CAPN12: variants seen among roughly 807,000 people sequenced by gnomAD.
CAPN12 encodes calpain 12.
Under a neutral mutation model 95.0 loss-of-function variants are expected in CAPN12, and 107 were observed. That is an observed-to-expected ratio of 1.13 (90% CI 0.96 to 1.32). The LOEUF is 1.32. Among genes scored for constraint, CAPN12 ranks in the 40% most tolerant of loss-of-function variants. CAPN12 has a pLI of 0.00. For synonymous variants in CAPN12, 505 were observed against 415.5 expected (o/e 1.22, Z -2.62); for missense variants, 1,136 against 997.8 (o/e 1.14, Z -1.87).
chr19:38,735,164 G>A (rs910817970), intron 14 of CAPN12: 6 of 607,988 alleles, frequency 9.9e-6, no homozygotes, highest in African/African-American at 5.6e-5. Context: ...GAGGGAGAGG[G>A]TGGTCCTGGG....
intron 18 of CAPN12, among the ~76,000 whole-genome samples, chr19:38,732,817 C>T (rs1362572226): frequency 2.0e-5 from 3 of 152,162 alleles, no homozygotes; most frequent in African/African-American, 7.2e-5. Flanking sequence ...CTGGGAACTC[C>T]AAGTTCTGAC....
At chr19:38,733,569 TG>T in intron 18 of CAPN12, 133 bp downstream of exon 18, 1 of 761,146 alleles carries the variant, frequency 1.3e-6, no homozygotes, top group Non-Finnish European at 2.2e-6. Flanking sequence ...TGCCAGGGAC[TG>T]GCAACAAGCT....
Position 38,737,189 on chromosome 19 carries a change from G to C in CAPN12, c.1329C>G (p.Leu443=), listed in dbSNP as rs1202758160. 5 of 1,548,448 alleles carry C rather than the reference G, an allele frequency of 3.2e-6. No homozygotes were observed. Among genetic ancestry groups the C allele is most frequent in the Non-Finnish European group, 4.4e-6 (5 of 1,147,210 alleles). The change falls in exon 10 of 21, where the codon CTC becomes CTG. Residue 443 remains leucine (L), a synonymous_variant. Coordinates refer to ENST00000328867, the MANE Select transcript of CAPN12 (RefSeq NM_144691.4). The stretch of plus-strand genomic sequence containing the variant: ...CGTGGAAGCCAACGGTGAGGTAAGT[G>C]AGGCCCTTGGCTCTCAGGCGCCGCC... ...RNRRRLRAKG[L]TYLTVGFHVF... is the part of the protein sequence containing the mutation.
At chr19:38,733,103 CTTT>C (rs1172061885) in intron 18 of CAPN12, 19 of 136,282 alleles carry the variant, frequency 1.4e-4, no homozygotes, top group Admixed American at 2.2e-4. Context: ...TGTGTACTAG[CTTT>C]TTTTTTTTTT....
rs563664489 is a variant in CAPN12, at chr19:38,731,140, C to G, written c.2041G>C (p.Val681Leu). The G allele has an allele frequency of 1.9e-6, 3 of 1,612,866 alleles. No homozygotes were observed. The highest frequency in any genetic ancestry group is 1.1e-5 in the South Asian group (1 of 90,996). ...SRLRVDFERFVSCVAHLTCIF... is the reference protein window; with the variant it reads ...SRLRVDFERFLSCVAHLTCIF... Reference sequence around the variant, plus strand: ...CAGGTGAGGTGGGCCACACAGGACACGAACCGCTCGAAGTCCACACGCAGA... The same window carrying G: ...CAGGTGAGGTGGGCCACACAGGACAGGAACCGCTCGAAGTCCACACGCAGA... The change falls in exon 19 of 21, where the codon GTG (valine) becomes CTG (leucine). Residue 681 changes from valine (V) to leucine (L), a missense_variant. By Grantham distance (32) the Val-to-Leu change is conservative (BLOSUM62 1). Coordinates refer to ENST00000328867, the MANE Select transcript of CAPN12 (RefSeq NM_144691.4).
chr19:38,742,453 C>A lies in CAPN12; in HGVS notation c.383G>T (p.Gly128Val). ...TGCGTAGCCATGCTGGAAATCCTGTCCAGGAGGGACCACCCGGCGCAGGAG... is the reference window on the plus strand; with the variant it reads ...TGCGTAGCCATGCTGGAAATCCTGTACAGGAGGGACCACCCGGCGCAGGAG... ...PRLLRRVVPP[G>V]QDFQHGYAGV... Residue 128 changes from glycine (G) to valine (V), a missense_variant, in exon 3 of 21, where the codon GGA (glycine) becomes GTA (valine). Coordinates refer to ENST00000328867, the MANE Select transcript of CAPN12 (RefSeq NM_144691.4). 1 of 1,613,972 alleles carries A rather than the reference C, an allele frequency of 6.2e-7. No individual in the cohort carries two copies. The highest frequency in any genetic ancestry group is 1.1e-5 in the South Asian group (1 of 91,046).
chr19:38,737,320 C>T lies in CAPN12; in HGVS notation c.1198G>A (p.Glu400Lys). Residue 400 changes from glutamate (E) to lysine (K), a missense_variant, in exon 10 of 21, where the codon GAG becomes AAG. Transcript: ENST00000328867. The stretch of plus-strand genomic sequence containing the variant: ...CCCCAGCCCCCCCAGGGCCCTTCCT[C>T]ATCCTCGTCATCCTCCTCATCAGGC... The part of the protein sequence containing the change: ...LEPDEEDDED[E>K]EGPWGGWGAA... The T allele has an allele frequency of 6.3e-7, 1 of 1,582,750 alleles. No individual in the cohort carries two copies. The highest frequency in any genetic ancestry group is 8.6e-7 in the Non-Finnish European group (1 of 1,165,190).
In CAPN12 at chr19:38,743,102, C is replaced by G; in HGVS notation, c.238G>C (p.Glu80Gln). ...ATGAACTTCGGCTCAGCACAGAACT[C>G]CTGTGGGTGGTGGGGGATTCCAGGC... ...AKGVKWMRPHEFCAEPKFICE... is the reference protein window; with the variant it reads ...AKGVKWMRPHQFCAEPKFICE... The change falls in exon 2 of 21, where the codon GAG (glutamate) becomes CAG (glutamine). Residue 80 changes from glutamate to glutamine, a missense_variant and splice_region_variant. Coordinates refer to ENST00000328867, the MANE Select transcript of CAPN12 (RefSeq NM_144691.4). 6.2e-7 allele frequency: 1 copy of G among 1,614,048 alleles called. No homozygotes were observed. The highest frequency in any genetic ancestry group is 8.5e-7 in the Non-Finnish European group (1 of 1,179,960).
intron 8 of CAPN12, 150 bp downstream of exon 8, chr19:38,738,123 G>C (rs1375586608): frequency 1.3e-6 from 1 of 753,362 alleles, no homozygotes; most frequent in Non-Finnish European, 2.1e-6. Context: ...ATTCTTCCTT[G>C]ATTTCCCAAA....
intron 8 of CAPN12, 139 bp from the exon 9 acceptor site, chr19:38,737,777 CA>C: frequency 8.5e-7 from 1 of 1,176,952 alleles, no homozygotes; most frequent in Non-Finnish European, 1.2e-6. Context: ...AAATGAACCC[CA>C]AATGCCTGGG....
chr19:38,736,554 C>G lies in CAPN12; in HGVS notation c.1372G>C (p.Glu458Gln). The change falls in exon 11 of 21, where the codon GAG becomes CAG. Residue 458 changes from glutamate (E) to glutamine (Q), a missense_variant and splice_region_variant. Transcript: ENST00000328867. ...VGFHVFQIPE[E>Q]LLGLWDSPRS... ...GGTTGACCCCATCCCAGACTCACCT[C>G]CTCTGGAATCTGAAAGAAGCAAGAG... 1 of 1,555,066 alleles carries G rather than the reference C, an allele frequency of 6.4e-7. No individual in the cohort carries two copies. The highest frequency in any genetic ancestry group is 8.7e-7 in the Non-Finnish European group (1 of 1,149,348).
rs1378874911 is a variant in CAPN12 at position 38,743,118 on chromosome 19, G to T, written c.238-16C>A. On this transcript the variant is annotated splice_polypyrimidine_tract_variant and intron_variant, in intron 1 of 20. Coordinates refer to ENST00000328867, the MANE Select transcript of CAPN12 (RefSeq NM_144691.4). Reference sequence around the variant, plus strand: ...CACAGAACTCCTGTGGGTGGTGGGGGATTCCAGGCCTCAGCCTGAGAAAGC... The same window carrying T: ...CACAGAACTCCTGTGGGTGGTGGGGTATTCCAGGCCTCAGCCTGAGAAAGC... 1.9e-6 allele frequency: 3 copies of T among 1,614,000 alleles called. No individual in the cohort carries two copies. Among genetic ancestry groups the T allele is most frequent in the Non-Finnish European group, 1.7e-6 (2 of 1,179,890 alleles).
At position 38,731,302 on chromosome 19, in the gene CAPN12, G is replaced by A; in HGVS notation, c.1958-79C>T. ...TTGCATCCCCACCCCACCTCCTCAG[G>A]GAGGACATGAATGCCACAGGGTGTC... On this transcript the variant is annotated intron_variant, in intron 18 of 20. Transcript: ENST00000328867. 6.2e-6 allele frequency: 7 copies of A among 1,123,180 alleles called. 1 individual carries two copies. The South Asian group carries it at 7.5e-5, about 12-fold the overall frequency. 69.6% of individuals were successfully genotyped at this position (1,123,180 alleles called of 1,614,324 possible). A position where few individuals can be genotyped will look rare whatever the true frequency, so the allele number is the denominator to read the frequency against.
In CAPN12 at chr19:38,734,882, AAG is replaced by A. The variant is rs762410441; in HGVS notation, c.1687-14_1687-13del. The A allele has an allele frequency of 6.2e-7, 1 of 1,612,438 alleles. No individual in the cohort carries two copies. Among genetic ancestry groups the A allele is most frequent in the Non-Finnish European group, 8.5e-7 (1 of 1,179,682 alleles). On this transcript the variant is annotated splice_polypyrimidine_tract_variant and intron_variant, in intron 14 of 20. Transcript: ENST00000328867. ...TTGAGTTCTTCCTCCTAGTCCAGGA[AAG>A]AGGGCTTGTGAGGCCATTTACTCAT...
In CAPN12 at chr19:38,737,177, G is replaced by C. The variant is rs1390881175; in HGVS notation, c.1341C>G (p.Thr447=). 2 of 1,496,250 alleles carry C rather than the reference G, an allele frequency of 1.3e-6. No individual in the cohort carries two copies. Among genetic ancestry groups the C allele is most frequent in the Non-Finnish European group, 1.8e-6 (2 of 1,115,194 alleles). 92.7% of individuals were successfully genotyped at this position (1,496,250 alleles called of 1,614,324 possible). A position where few individuals can be genotyped will look rare whatever the true frequency, so the allele number is the denominator to read the frequency against. ...RLRAKGLTYL[T]VGFHVFQIPE... ...TCACCTGGAACACGTGGAAGCCAAC[G>C]GTGAGGTAAGTGAGGCCCTTGGCTC... The change falls in exon 10 of 21, where the codon ACC becomes ACG. Residue 447 remains threonine (T), a synonymous_variant. Coordinates refer to ENST00000328867, the MANE Select transcript of CAPN12 (RefSeq NM_144691.4).
chr19:38,733,402 C>G, intron 18 of CAPN12: 1 of 401,022 alleles, frequency 2.5e-6, no homozygotes, highest in South Asian at 3.6e-5. Flanking sequence ...GCCAGACCCT[C>G]TCAGATACCA....
At chr19:38,734,032 T>G (rs1199787297) in intron 17 of CAPN12, 110 bp downstream of exon 17, 2 of 1,222,062 alleles carry the variant, frequency 1.6e-6, no homozygotes, top group Admixed American at 4.3e-5. Flanking sequence ...CAAGTCAGCC[T>G]AGTCCAGTAC....
rs753093200 is a variant in CAPN12, at chr19:38,731,173, C to A, written c.2008G>T (p.Asp670Tyr). Residue 670 changes from aspartate to tyrosine, a missense_variant, in exon 19 of 21, where the codon GAT becomes TAT. Asp to Tyr is a radical substitution (Grantham distance 160). Transcript: ENST00000328867. ...TCGAAGTCCACACGCAGACGGCTAT[C>A]CCGGTAGCGGCTGGTGAGGGTCTGG... ...LTQTLTSRYRDSRLRVDFERF... is the reference protein window; with the variant it reads ...LTQTLTSRYRYSRLRVDFERF... The A allele has an allele frequency of 1.9e-6, 3 of 1,613,208 alleles. No homozygotes were observed. Among genetic ancestry groups the A allele is most frequent in the Non-Finnish European group, 2.5e-6 (3 of 1,180,008 alleles).
At chr19:38,732,650 G>A (rs117046421) in intron 18 of CAPN12, among the ~76,000 whole-genome samples, 6 of 152,194 alleles carry the variant, frequency 3.9e-5, no homozygotes, top group Non-Finnish European at 8.8e-5. Context: ...TGGCTCTTTT[G>A]GACACTTGAC....
Sources: gnomAD v4.1 joint callset for allele counts (sites outside exome capture counted in the v4.1 genomes callset) on GRCh38, gnomAD v4.1.1 for gene constraint, MANE v1.5 for transcripts, NCBI Gene and HGNC (gene_info 2026-07-23, HGNC 2026-07-21) for gene names.